Variants in GAS7 observed in about 807,000 individuals in gnomAD.
GAS7 encodes the protein growth arrest specific 7.
A neutral mutation model predicts 71.1 loss-of-function variants in GAS7; 28 were observed. The ratio of observed to expected loss-of-function variants is 0.39; its 90% CI spans 0.29 to 0.54. The LOEUF (loss-of-function observed/expected upper bound fraction) is 0.54. Among genes scored for constraint, GAS7 ranks in the 20% least tolerant of loss-of-function variants. The pLI is 0.62. For missense variants in GAS7, 436 were observed against 627.8 expected, an observed-to-expected ratio of 0.69 and a Z score of 3.27; for synonymous variants, 258 against 245.8, an observed-to-expected ratio of 1.05 and a Z score of -0.46.
At chr17:9,929,233 T>C (rs1196653047) in intron 9 of GAS7, among the ~76,000 whole-genome samples, 1 of 152,176 alleles carries the variant, frequency 6.6e-6, no homozygotes, top group Non-Finnish European at 1.5e-5. Context: ...AGCAAGTGAC[T>C]TTCAGGCTTT....
At chr17:10,012,172 G>C (rs1567891357) in intron 2 of GAS7, among the ~76,000 whole-genome samples, 2 of 152,092 alleles carry the variant, frequency 1.3e-5, no homozygotes, top group African/African-American at 4.8e-5. Context: ...TGTCCAAATG[G>C]TAAAATGTAT....
intron 8 of GAS7, among the ~76,000 whole-genome samples, chr17:9,938,817 T>C (rs1030073532): frequency 1.7e-4 from 26 of 152,320 alleles, no homozygotes; most frequent in Middle Eastern, 3.4e-3. Context: ...CAATCCACTT[T>C]CTGTTTCCAT....
At chr17:10,191,685 G>A (rs1054343717) in intron 1 of GAS7, among the ~76,000 whole-genome samples, 1 of 150,666 alleles carries the variant, frequency 6.6e-6, no homozygotes, top group Non-Finnish European at 1.5e-5. Flanking sequence ...GACCAGCCTG[G>A]CCAACCTGGT....
In GAS7 at chr17:10,181,079, G is replaced by A. The variant is rs184917608; in HGVS notation, c.183+17129C>T. 7.4e-4 allele frequency among the ~76,000 whole-genome samples: 106 copies of A among 142,450 alleles called. 1 individual carries two copies. Among genetic ancestry groups the A allele is most frequent in the African/African-American group, 2.6e-3 (100 of 38,280 alleles). The allele number at this position is 142,450 out of a possible 152,430, so 93.5% of individuals were successfully genotyped here. ...TGGGGGGTGGCAGTGCGGGGGTGGCGGTGGGGGCACGGTGGCTCACGCCTG... is the reference window on the plus strand; with the variant it reads ...TGGGGGGTGGCAGTGCGGGGGTGGCAGTGGGGGCACGGTGGCTCACGCCTG... On this transcript the variant is annotated intron_variant, in intron 1 of 13. Coordinates refer to ENST00000432992, the MANE Select transcript of GAS7 (RefSeq NM_201433.2).
chr17:10,111,940 C>G (rs773999788), intron 1 of GAS7, among the ~76,000 whole-genome samples: 37 of 152,328 alleles, frequency 2.4e-4, no homozygotes, highest in Non-Finnish European at 4.3e-4. Context: ...TAGACCTGTG[C>G]TCTCCCATAT....
chr17:10,126,538 CAA>C (rs2073951848), intron 1 of GAS7, among the ~76,000 whole-genome samples: 7 of 25,180 alleles, frequency 2.8e-4, no homozygotes, highest in South Asian at 1.9e-3. Flanking sequence ...AGCACACACA[CAA>C]AGAGCGCACA....
At chr17:10,005,346 CATATAT>C (rs1262053122) in intron 2 of GAS7, among the ~76,000 whole-genome samples, 1 of 149,660 alleles carries the variant, frequency 6.7e-6, no homozygotes, top group South Asian at 2.1e-4. Context: ...CACACACACA[CATATAT>C]ATATATATCT....
At chr17:9,935,411 C>T (rs970966762) in intron 8 of GAS7, among the ~76,000 whole-genome samples, 3 of 152,234 alleles carry the variant, frequency 2.0e-5, no homozygotes, top group Non-Finnish European at 4.4e-5. Flanking sequence ...ACCGCATGAC[C>T]CTTCCAAGTG....
At chr17:9,984,279 T>C (rs539326654) in intron 2 of GAS7, among the ~76,000 whole-genome samples, 2 of 152,226 alleles carry the variant, frequency 1.3e-5, no homozygotes, top group Non-Finnish European at 2.9e-5. Flanking sequence ...GGCTACTTGG[T>C]CTCGTAGGCC....
At chr17:10,124,175 T>C (rs1389725510) in intron 1 of GAS7, among the ~76,000 whole-genome samples, 1 of 152,180 alleles carries the variant, frequency 6.6e-6, no homozygotes, top group Non-Finnish European at 1.5e-5. Context: ...GGCTCCCAGC[T>C]CCAACCAGCC....
At chr17:9,982,581 G>A (rs188859535) in intron 2 of GAS7, among the ~76,000 whole-genome samples, 8 of 151,856 alleles carry the variant, frequency 5.3e-5, no homozygotes, top group Non-Finnish European at 8.8e-5. Flanking sequence ...GTTCGAGACC[G>A]GCCTGGCCAA....
At chr17:10,022,754 C>T (rs1023644541) in intron 1 of GAS7, among the ~76,000 whole-genome samples, 2 of 152,224 alleles carry the variant, frequency 1.3e-5, no homozygotes, top group Admixed American at 6.5e-5. Flanking sequence ...TACGGCGATA[C>T]GGACCTCCAC....
chr17:10,174,624 G>A (rs2074359293), intron 1 of GAS7, among the ~76,000 whole-genome samples: 2 of 151,980 alleles, frequency 1.3e-5, no homozygotes, highest in South Asian at 2.1e-4. Context: ...CCCAGGAGGC[G>A]GAGCTTGCAG....
chr17:10,046,819 AGG>A (rs1396168769), intron 1 of GAS7, among the ~76,000 whole-genome samples: 29 of 130,202 alleles, frequency 2.2e-4, no homozygotes, highest in Admixed American at 5.8e-4. Flanking sequence ...GAAGGAAGGA[AGG>A]AAGGAAGGAA....
At chr17:9,966,563 G>A (rs2152118420) in intron 4 of GAS7, among the ~76,000 whole-genome samples, 1 of 152,296 alleles carries the variant, frequency 6.6e-6, no homozygotes, top group East Asian at 1.9e-4. Context: ...TCGTCTGCAT[G>A]CTGGAGTGGG....
At chr17:10,151,714 T>C (rs956713135) in intron 1 of GAS7, among the ~76,000 whole-genome samples, 2 of 152,110 alleles carry the variant, frequency 1.3e-5, no homozygotes, top group South Asian at 2.1e-4. Flanking sequence ...CCAGCTACTT[T>C]TTTTATTTTT....
At chr17:10,018,812 C>G (rs1228698069) in intron 2 of GAS7, among the ~76,000 whole-genome samples, 1 of 152,180 alleles carries the variant, frequency 6.6e-6, no homozygotes, top group Non-Finnish European at 1.5e-5. Flanking sequence ...GTCAGGCAGG[C>G]ACAGAGGAGT....
chr17:10,187,841 T>A (rs1261806267), intron 1 of GAS7, among the ~76,000 whole-genome samples: 1 of 152,244 alleles, frequency 6.6e-6, no homozygotes, highest in Non-Finnish European at 1.5e-5. Flanking sequence ...GAATGTTTGG[T>A]ACACACAGTT....
chr17:10,062,688 T>G (rs1008657181), intron 1 of GAS7, among the ~76,000 whole-genome samples: 3 of 152,224 alleles, frequency 2.0e-5, no homozygotes. Context: ...ATAACACAGC[T>G]AATTCTGCTT....
Sources: gnomAD v4.1 joint callset for allele counts (sites outside exome capture counted in the v4.1 genomes callset) on GRCh38, gnomAD v4.1.1 for gene constraint, MANE v1.5 for transcripts, NCBI Gene and HGNC (gene_info 2026-07-23, HGNC 2026-07-21) for gene names.